Variants in GPATCH2 observed in about 807,000 individuals in gnomAD.
The protein encoded by GPATCH2 is G patch domain-containing protein 2.
A neutral mutation model predicts 58.0 loss-of-function variants in GPATCH2; 51 were observed. That is an observed-to-expected ratio of 0.88 (90% CI 0.70 to 1.11). The LOEUF (loss-of-function observed/expected upper bound fraction) is 1.11, where lower values mean the gene tolerates loss of function less well. GPATCH2 is among the 50% of genes most tolerant of loss of function. The pLI, the probability that GPATCH2 is intolerant of heterozygous loss-of-function variation, is 0.00. For synonymous variants in GPATCH2, 222 were observed against 218.5 expected, an observed-to-expected ratio of 1.02 and a Z score of -0.14; for missense variants, 625 against 652.2, an observed-to-expected ratio of 0.96 and a Z score of 0.45.
chr1:217,540,786 A>G (rs1400915734), intron 5 of GPATCH2, among the ~76,000 whole-genome samples: 3 of 152,220 alleles, frequency 2.0e-5, no homozygotes, highest in Non-Finnish European at 1.5e-5. Flanking sequence ...TAGCCCTAGG[A>G]CTACGTAGCT....
intron 5 of GPATCH2, among the ~76,000 whole-genome samples, chr1:217,517,301 T>C (rs1342229586): frequency 1.3e-5 from 2 of 152,150 alleles, no homozygotes; most frequent in Non-Finnish European, 2.9e-5. Flanking sequence ...AGGCATAATT[T>C]AGAAATTTAC....
chr1:217,435,541 T>A (rs1658783419), intron 9 of GPATCH2, among the ~76,000 whole-genome samples: 1 of 152,202 alleles, frequency 6.6e-6, no homozygotes, highest in African/African-American at 2.4e-5. Flanking sequence ...CTGCTTCCCA[T>A]AGAACAGCTA....
intron 8 of GPATCH2, among the ~76,000 whole-genome samples, chr1:217,454,497 G>A (rs1021440078): frequency 2.1e-5 from 3 of 143,950 alleles, no homozygotes; most frequent in African/African-American, 7.6e-5. Context: ...GCTGAGGCAG[G>A]AGAATGGCGT....
At chr1:217,572,835 T>G (rs1331976740) in intron 5 of GPATCH2, among the ~76,000 whole-genome samples, 1 of 152,168 alleles carries the variant, frequency 6.6e-6, no homozygotes, top group East Asian at 1.9e-4. Flanking sequence ...GCCACACATA[T>G]GAGAGAGAAA....
rs544875145 is a variant in GPATCH2, at chr1:217,549,642, G to A, written c.1099-34753C>T. Among the ~76,000 whole-genome samples the A allele has an allele frequency of 2.0e-5, 3 of 152,126 alleles. No individual in the cohort carries two copies. In the East Asian group the frequency reaches 5.8e-4, roughly 29 times the overall value. ...ATTCATTCATTCACTCATTCAACAA[G>A]CATTTGCTGATAACTCATATTCCTT... On this transcript the variant is annotated intron_variant, in intron 5 of 9. Coordinates refer to ENST00000366935, the MANE Select transcript of GPATCH2 (RefSeq NM_018040.5).
chr1:217,515,998 G>A (rs531939093), intron 5 of GPATCH2, among the ~76,000 whole-genome samples: 1 of 151,932 alleles, frequency 6.6e-6, no homozygotes, highest in Non-Finnish European at 1.5e-5. Context: ...TATTTACACA[G>A]TACAAAATGC....
intron 5 of GPATCH2, among the ~76,000 whole-genome samples, chr1:217,586,270 T>C (rs1330242063): frequency 6.6e-6 from 1 of 152,272 alleles, no homozygotes; most frequent in African/African-American, 2.4e-5. Flanking sequence ...TTGACTCTTG[T>C]AATAACACTT....
intron 8 of GPATCH2, among the ~76,000 whole-genome samples, chr1:217,465,585 G>A (rs1014649183): frequency 6.6e-6 from 1 of 152,244 alleles, no homozygotes. Context: ...AGTCTCATGA[G>A]ATCTGATTGG....
chr1:217,489,704 A>T (rs933725072), intron 8 of GPATCH2, among the ~76,000 whole-genome samples: 2 of 152,150 alleles, frequency 1.3e-5, no homozygotes, highest in Non-Finnish European at 2.9e-5. Context: ...CTCTACTACA[A>T]ATACAAAATT....
chr1:217,478,486 A>G (rs534232119), intron 8 of GPATCH2, among the ~76,000 whole-genome samples: 173 of 152,344 alleles, frequency 1.1e-3, no homozygotes, highest in African/African-American at 4.0e-3. Context: ...TAAAAATGCA[A>G]CTGGCATACT....
At chr1:217,477,242 C>T (rs910277758) in intron 8 of GPATCH2, among the ~76,000 whole-genome samples, 1 of 152,100 alleles carries the variant, frequency 6.6e-6, no homozygotes, top group African/African-American at 2.4e-5. Context: ...ACCTAGGTAC[C>T]ACACTGAGGG....
chr1:217,514,658 T>C (rs925415713), intron 6 of GPATCH2, among the ~76,000 whole-genome samples, 164 bp downstream of exon 6: 2 of 152,260 alleles, frequency 1.3e-5, no homozygotes, highest in African/African-American at 2.4e-5. Flanking sequence ...AATTTTGTCA[T>C]GGTTTTCGTT....
intron 5 of GPATCH2, among the ~76,000 whole-genome samples, chr1:217,571,493 C>T (rs994439172): frequency 4.5e-4 from 66 of 146,986 alleles, no homozygotes; most frequent in African/African-American, 1.5e-3. Context: ...TACTTCTGGG[C>T]GCCACATTTG....
chr1:217,438,161 T>C (rs960474512), intron 9 of GPATCH2, among the ~76,000 whole-genome samples: 1 of 151,990 alleles, frequency 6.6e-6, no homozygotes, highest in Non-Finnish European at 1.5e-5. Context: ...GAAGAAAAAC[T>C]AACAAACAGA....
intron 5 of GPATCH2, among the ~76,000 whole-genome samples, chr1:217,562,362 A>G (rs1418916047): frequency 6.6e-6 from 1 of 152,222 alleles, no homozygotes; most frequent in Non-Finnish European, 1.5e-5. Context: ...TAAGTGAATT[A>G]CTATGATGGC....
chr1:217,491,628 G>C, intron 8 of GPATCH2, 52 bp downstream of exon 8: 1 of 796,898 alleles, frequency 1.3e-6, no homozygotes, highest in Non-Finnish European at 2.2e-6. Flanking sequence ...CATTCTTATA[G>C]GCATAGAAAA....
chr1:217,514,171 T>G (rs74384230), intron 6 of GPATCH2, among the ~76,000 whole-genome samples: 2 of 151,160 alleles, frequency 1.3e-5, no homozygotes, highest in African/African-American at 4.9e-5. Context: ...TTTTTTTTTT[T>G]CCTTCTGCGA....
intron 5 of GPATCH2, among the ~76,000 whole-genome samples, chr1:217,566,705 G>C (rs1177624589): frequency 6.6e-6 from 1 of 152,152 alleles, no homozygotes; most frequent in Admixed American, 6.5e-5. Context: ...ATCCAAAAGT[G>C]ACATTTAAAT....
chr1:217,464,487 A>C (rs1031281562), intron 8 of GPATCH2, among the ~76,000 whole-genome samples: 1 of 152,236 alleles, frequency 6.6e-6, no homozygotes, highest in Non-Finnish European at 1.5e-5. Context: ...ACCAGTTTAT[A>C]AATGAGTGCA....
Sources: allele counts gnomAD v4.1 joint callset (sites outside exome capture counted in the v4.1 genomes callset), GRCh38; gene constraint gnomAD v4.1.1; transcripts MANE v1.5; gene names NCBI Gene and HGNC (gene_info 2026-07-23, HGNC 2026-07-21).